The following KDM4C variants were observed in gnomAD, a reference collection of about 807,000 sequenced individuals.
KDM4C encodes the protein lysine-specific demethylase 4C.
KDM4C carries 81 observed loss-of-function variants against 129.3 expected under a neutral mutation model. The observed-to-expected ratio is 0.63, with a 90% CI of 0.52 to 0.75. KDM4C has a LOEUF of 0.75. Among genes scored for constraint, KDM4C ranks in the 30% least tolerant of loss-of-function variants. The probability of loss-of-function intolerance (pLI) is 0.00; values close to 1 mark genes in which losing one functional copy is unlikely to be tolerated. For missense variants in KDM4C, 1,457 were observed against 1,304.0 expected (o/e 1.12, Z -1.81); for synonymous variants, 573 against 456.1 (o/e 1.26, Z -3.26).
At chr9:6,950,249 A>T (rs914395739) in intron 8 of KDM4C, among the ~76,000 whole-genome samples, 1 of 152,068 alleles carries the variant, frequency 6.6e-6, no homozygotes, top group African/African-American at 2.4e-5. Context: ...GGTTTTATTG[A>T]TGTGAACTAT....
chr9:7,137,198 G>A (rs952157722), intron 19 of KDM4C, among the ~76,000 whole-genome samples: 1 of 152,210 alleles, frequency 6.6e-6, no homozygotes, highest in Non-Finnish European at 1.5e-5. Context: ...CTGGTCCCCT[G>A]TGCCAGCCTG....
intron 8 of KDM4C, among the ~76,000 whole-genome samples, chr9:6,966,112 A>G (rs926452911): frequency 2.0e-5 from 3 of 152,222 alleles, no homozygotes; most frequent in African/African-American, 7.2e-5. Flanking sequence ...ACCTAAAGCA[A>G]ATACCATACT....
chr9:7,041,248 T>G (rs1754602782), intron 15 of KDM4C, among the ~76,000 whole-genome samples: 1 of 152,068 alleles, frequency 6.6e-6, no homozygotes, highest in African/African-American at 2.4e-5. Context: ...TTTACATATC[T>G]TTTACATTGT....
chr9:7,069,393 A>G (rs539138436), intron 17 of KDM4C, among the ~76,000 whole-genome samples: 39 of 152,322 alleles, frequency 2.6e-4, no homozygotes, highest in Admixed American at 7.2e-4. Context: ...TTTTAAACAA[A>G]CTTTAAATTT....
intron 4 of KDM4C, among the ~76,000 whole-genome samples, chr9:6,829,524 A>G (rs1834447092): frequency 6.6e-6 from 1 of 152,246 alleles, no homozygotes. Context: ...TTTGGAGATC[A>G]TCTGGTATAA....
At chr9:7,102,820 T>G (rs1294500283) in intron 17 of KDM4C, among the ~76,000 whole-genome samples, 1 of 152,222 alleles carries the variant, frequency 6.6e-6, no homozygotes, top group Non-Finnish European at 1.5e-5. Flanking sequence ...TCATTGTTTC[T>G]TCTGCTTTCC....
At chr9:6,828,280 T>G (rs530194945) in intron 4 of KDM4C, among the ~76,000 whole-genome samples, 1 of 152,092 alleles carries the variant, frequency 6.6e-6, no homozygotes, top group East Asian at 1.9e-4. Context: ...CCCGAATAGC[T>G]GGGACTACAG....
chr9:7,027,390 C>G (rs1217797021), intron 15 of KDM4C, among the ~76,000 whole-genome samples: 1 of 152,204 alleles, frequency 6.6e-6, no homozygotes, highest in Non-Finnish European at 1.5e-5. Context: ...TTCTGGATTA[C>G]TAGGCAGGGA....
Position 7,015,910 on chromosome 9 carries a change from A to G in KDM4C, c.2240A>G (p.Lys747Arg), listed in dbSNP as rs779618258. 8 of 1,612,676 alleles carry G rather than the reference A, an allele frequency of 5.0e-6. No homozygotes were observed. The highest frequency in any genetic ancestry group is 1.3e-5 in the African/African-American group (1 of 75,014). The change falls in exon 15 of 22, where the codon AAA becomes AGA. Residue 747 changes from lysine (K) to arginine (R), a missense_variant. Transcript: ENST00000381309. ...ICDGWLCARC[K>R]RNAWTAECCL... ...GATGGATGGCTGTGTGCCCGGTGCA[A>G]AAGAAATGCGTGGACAGCAGTAAGT... is the stretch of plus-strand genomic sequence containing the variant.
intron 12 of KDM4C, among the ~76,000 whole-genome samples, chr9:7,000,925 G>A: frequency 6.6e-6 from 1 of 152,128 alleles, no homozygotes; most frequent in East Asian, 1.9e-4. Context: ...GTGACTTTAT[G>A]TCTTCATATT....
chr9:6,861,651 C>G (rs927404080), intron 5 of KDM4C, among the ~76,000 whole-genome samples: 3 of 152,200 alleles, frequency 2.0e-5, no homozygotes, highest in Non-Finnish European at 4.4e-5. Context: ...TCTATCCCCT[C>G]CTCTCTTCCT....
chr9:6,839,860 G>A (rs889306766), intron 4 of KDM4C, among the ~76,000 whole-genome samples: 15 of 151,908 alleles, frequency 9.9e-5, no homozygotes, highest in East Asian at 2.0e-4. Context: ...CAGAGATCGC[G>A]TCACTGCACT....
At chr9:6,852,279 G>C (rs1407218234) in intron 5 of KDM4C, among the ~76,000 whole-genome samples, 1 of 152,186 alleles carries the variant, frequency 6.6e-6, no homozygotes, top group African/African-American at 2.4e-5. Context: ...GGAAGTATTT[G>C]GAGGCAGGCG....
In KDM4C at chr9:7,033,333, T is replaced by C. The variant is rs145737157; in HGVS notation, c.2260-13529T>C. ...AGTGGTTGCTTTTGCTATCTTATTC[T>C]TCCCTACTGTGGTGTCTCTTAAAAC... On this transcript the variant is annotated intron_variant, in intron 15 of 21. Transcript: ENST00000381309. Among the ~76,000 whole-genome samples the C allele has an allele frequency of 2.0e-3, 301 of 152,294 alleles. 3 individuals carry two copies. Among genetic ancestry groups the C allele is most frequent in the African/African-American group, 6.6e-3 (275 of 41,558 alleles).
chr9:7,134,933 G>T (rs754518283), intron 19 of KDM4C, among the ~76,000 whole-genome samples: 1 of 152,120 alleles, frequency 6.6e-6, no homozygotes, highest in Non-Finnish European at 1.5e-5. Context: ...TACAAGTTTC[G>T]TGAACTGTCT....
At position 7,071,320 on chromosome 9, in the gene KDM4C, T is replaced by G. The variant is rs148864640; in HGVS notation, c.2424+22120T>G. Among the ~76,000 whole-genome samples the G allele has an allele frequency of 8.5e-5, 13 of 152,220 alleles. 2 individuals carry two copies. Among genetic ancestry groups the G allele is most frequent in the African/African-American group, 3.1e-4 (13 of 41,552 alleles). The stretch of plus-strand genomic sequence containing the variant: ...TGATAATCGAATTCTAAAATTTATG[T>G]GGAAAGGGAAAGCCAAAATAATTTG... On this transcript the variant is annotated intron_variant, in intron 17 of 21. Transcript: ENST00000381309.
At position 7,013,801 on chromosome 9, in the gene KDM4C, A is replaced by T. The variant is rs376001798; in HGVS notation, c.1982A>T (p.Asn661Ile). 8 of 1,613,826 alleles carry T rather than the reference A, an allele frequency of 5.0e-6. No individual in the cohort carries two copies. The highest frequency in any genetic ancestry group is 5.9e-6 in the Non-Finnish European group (7 of 1,179,814). Residue 661 changes from asparagine to isoleucine, a missense_variant, in exon 14 of 22, where the codon AAT becomes ATT. Coordinates refer to ENST00000381309, the MANE Select transcript of KDM4C (RefSeq NM_015061.6). ...LMPYHKPDSS[N>I]EENDARWETK... is the part of the protein sequence containing the mutation. ...TATGTTTTTCAGCCAGATAGCAGCA[A>T]TGAAGAAAATGATGCTAGATGGGAG... is the stretch of plus-strand genomic sequence containing the variant.
intron 4 of KDM4C, among the ~76,000 whole-genome samples, chr9:6,846,346 A>G (rs1411574130): frequency 6.6e-6 from 1 of 152,224 alleles, no homozygotes. Flanking sequence ...GAATAAATGT[A>G]AGATACAAGT....
At chr9:6,747,980 G>A (rs1156944826) in intron 1 of KDM4C, among the ~76,000 whole-genome samples, 1 of 151,690 alleles carries the variant, frequency 6.6e-6, no homozygotes, top group Non-Finnish European at 1.5e-5. Context: ...GAGTTCGAGA[G>A]CAGCCTGGGC....
Sources: gnomAD v4.1 joint callset for allele counts (sites outside exome capture counted in the v4.1 genomes callset) on GRCh38, gnomAD v4.1.1 for gene constraint, MANE v1.5 for transcripts, NCBI Gene and HGNC (gene_info 2026-07-23, HGNC 2026-07-21) for gene names.